Variants in FAF1 observed in about 807,000 individuals in gnomAD.
The protein encoded by FAF1 is Fas associated factor 1, also known as FAS-associated factor 1.
FAF1 carries 25 observed loss-of-function variants against 92.5 expected under a neutral mutation model. The ratio of observed to expected loss-of-function variants is 0.27; its 90% CI spans 0.20 to 0.38. The LOEUF is 0.38. Among genes scored for constraint, FAF1 ranks in the 10% least tolerant of loss-of-function variants. The pLI is 1.00. For missense variants in FAF1, 636 were observed against 793.3 expected, an observed-to-expected ratio of 0.80 and a Z score of 2.38; for synonymous variants, 234 against 273.2, an observed-to-expected ratio of 0.86 and a Z score of 1.42.
chr1:50,879,473 T>C (rs184446081), intron 1 of FAF1, among the ~76,000 whole-genome samples: 24 of 152,232 alleles, frequency 1.6e-4, no homozygotes, highest in East Asian at 7.7e-4. Flanking sequence ...ATAATTGCTA[T>C]AATATATGTT....
intron 6 of FAF1, among the ~76,000 whole-genome samples, chr1:50,723,043 A>G (rs1045714760): frequency 3.3e-5 from 5 of 152,224 alleles, no homozygotes; most frequent in African/African-American, 9.6e-5. Context: ...ATAGTAGGAA[A>G]TAGACAAGAG....
chr1:50,702,339 G>A (rs990736072), intron 7 of FAF1, among the ~76,000 whole-genome samples: 7 of 151,880 alleles, frequency 4.6e-5, no homozygotes, highest in Non-Finnish European at 1.0e-4. Flanking sequence ...AATTCTCAGC[G>A]TAAAAAAAAT....
chr1:50,746,033 G>A (rs946205130), intron 4 of FAF1, among the ~76,000 whole-genome samples: 1 of 151,814 alleles, frequency 6.6e-6, no homozygotes, highest in Non-Finnish European at 1.5e-5. Context: ...AACTTATTGG[G>A]AACTGGAGCA....
chr1:50,574,028 C>A (rs1172775830), intron 12 of FAF1, among the ~76,000 whole-genome samples: 2 of 152,032 alleles, frequency 1.3e-5, no homozygotes, highest in African/African-American at 4.8e-5. Context: ...ACTTGGGAGG[C>A]TGAGGTAGAA....
chr1:50,944,935 G>A (rs1035064313), intron 1 of FAF1, among the ~76,000 whole-genome samples: 2 of 152,138 alleles, frequency 1.3e-5, no homozygotes, highest in Non-Finnish European at 2.9e-5. Context: ...TGATCAAGAC[G>A]AGATAATCCT....
intron 12 of FAF1, among the ~76,000 whole-genome samples, chr1:50,571,261 A>C (rs1650425669): frequency 6.6e-6 from 1 of 152,216 alleles, no homozygotes; most frequent in Non-Finnish European, 1.5e-5. Flanking sequence ...AAGGCAAACA[A>C]CCAAGCTACA....
intron 8 of FAF1, chr1:50,606,883 A>G (rs1413582969): frequency 6.6e-6 from 1 of 152,204 alleles, no homozygotes; most frequent in African/African-American, 2.4e-5. Context: ...GATACATTAC[A>G]TAGCCATGTC....
intron 6 of FAF1, among the ~76,000 whole-genome samples, chr1:50,710,724 T>G (rs1344842477): frequency 6.6e-6 from 1 of 151,656 alleles, no homozygotes; most frequent in Non-Finnish European, 1.5e-5. Context: ...TGCCCCAGCC[T>G]CCTGAGTAGC....
At chr1:50,461,899 A>T (rs1212039242) in intron 18 of FAF1, among the ~76,000 whole-genome samples, 1 of 149,410 alleles carries the variant, frequency 6.7e-6, no homozygotes, top group Non-Finnish European at 1.5e-5. Context: ...AAAAGAAAAA[A>T]AAAAGAGGAA....
intron 1 of FAF1, among the ~76,000 whole-genome samples, chr1:50,885,811 T>C (rs1240885225): frequency 6.6e-6 from 1 of 152,212 alleles, no homozygotes; most frequent in Non-Finnish European, 1.5e-5. Flanking sequence ...TCTCTGGTAG[T>C]ATGAGTTAAT....
chr1:50,659,787 A>C (rs1655291829), intron 7 of FAF1, among the ~76,000 whole-genome samples: 1 of 152,196 alleles, frequency 6.6e-6, no homozygotes, highest in African/African-American at 2.4e-5. Context: ...AGATTTTCTA[A>C]TTTGCATTCA....
intron 15 of FAF1, among the ~76,000 whole-genome samples, chr1:50,510,401 C>G (rs1325915222): frequency 6.6e-6 from 1 of 151,968 alleles, no homozygotes; most frequent in African/African-American, 2.4e-5. Flanking sequence ...TGGGGCAAAT[C>G]AGCTGTCACT....
intron 1 of FAF1, among the ~76,000 whole-genome samples, chr1:50,935,021 A>G (rs1204118070): frequency 2.6e-5 from 4 of 152,188 alleles, no homozygotes; most frequent in African/African-American, 4.8e-5. Flanking sequence ...CATTAAACCT[A>G]CTTGGTATTC....
At chr1:50,945,246 C>T (rs767676182) in intron 1 of FAF1, among the ~76,000 whole-genome samples, 1 of 152,044 alleles carries the variant, frequency 6.6e-6, no homozygotes, top group African/African-American at 2.4e-5. Flanking sequence ...TCTAGGGTCA[C>T]GATGGCGTGG....
intron 6 of FAF1, among the ~76,000 whole-genome samples, chr1:50,724,500 C>T (rs1658564200): frequency 6.6e-6 from 1 of 152,070 alleles, no homozygotes; most frequent in Non-Finnish European, 1.5e-5. Flanking sequence ...GCATAACAAA[C>T]ACAGAGAGTC....
At chr1:50,707,510 G>C (rs1272500827) in intron 6 of FAF1, among the ~76,000 whole-genome samples, 1 of 151,798 alleles carries the variant, frequency 6.6e-6, no homozygotes, top group African/African-American at 2.4e-5. Context: ...ACCACCCCGG[G>C]TAACATGGTG....
At chr1:50,845,615 C>T (rs1292086046) in intron 2 of FAF1, among the ~76,000 whole-genome samples, 1 of 152,076 alleles carries the variant, frequency 6.6e-6, no homozygotes. Flanking sequence ...ATGCTAACTG[C>T]TTGTCCAGTG....
At chr1:50,871,389 CA>C (rs1340256060) in intron 1 of FAF1, among the ~76,000 whole-genome samples, 1 of 152,214 alleles carries the variant, frequency 6.6e-6, no homozygotes, top group Non-Finnish European at 1.5e-5. Flanking sequence ...AAAACATCAT[CA>C]CAGCAAAAGA....
intron 17 of FAF1, 141 bp downstream of exon 17, chr1:50,490,447 G>GAAA (rs1557966710): frequency 3.1e-6 from 1 of 325,310 alleles, no homozygotes; most frequent in African/African-American, 3.3e-5. Context: ...AAGGAAGGAA[G>GAAA]GAAGGAAGGA....
Sources: gnomAD v4.1 joint callset for allele counts (sites outside exome capture counted in the v4.1 genomes callset) on GRCh38, gnomAD v4.1.1 for gene constraint, MANE v1.5 for transcripts, NCBI Gene and HGNC (gene_info 2026-07-23, HGNC 2026-07-21) for gene names.